SLC24A3: variants seen among roughly 807,000 people sequenced by gnomAD.
SLC24A3 encodes sodium/potassium/calcium exchanger 3.
SLC24A3 carries 28 observed loss-of-function variants against 75.8 expected under a neutral mutation model. The ratio of observed to expected loss-of-function variants is 0.37; its 90% CI spans 0.27 to 0.51. The LOEUF (loss-of-function observed/expected upper bound fraction) is 0.51. Ranked by LOEUF, SLC24A3 falls within the 20% of genes least tolerant of loss-of-function variation. The pLI, the probability that SLC24A3 is intolerant of heterozygous loss-of-function variation, is 0.94. For missense variants in SLC24A3, 663 were observed against 847.8 expected, an observed-to-expected ratio of 0.78 and a Z score of 2.71; for synonymous variants, 372 against 334.1, an observed-to-expected ratio of 1.11 and a Z score of -1.24.
At chr20:19,508,605 A>G (rs1285022452) in intron 2 of SLC24A3, among the ~76,000 whole-genome samples, 2 of 152,210 alleles carry the variant, frequency 1.3e-5, no homozygotes, top group Non-Finnish European at 2.9e-5. Context: ...GAAGCAAGGA[A>G]GCTGATTGCT....
At chr20:19,678,156 C>A (rs1354828096) in intron 9 of SLC24A3, among the ~76,000 whole-genome samples, 3 of 151,020 alleles carry the variant, frequency 2.0e-5, no homozygotes, top group Non-Finnish European at 4.4e-5. Flanking sequence ...TTTTCCCCAC[C>A]TTTCCCCCCT....
At chr20:19,593,627 G>C (rs1488461104) in intron 6 of SLC24A3, among the ~76,000 whole-genome samples, 2 of 152,226 alleles carry the variant, frequency 1.3e-5, no homozygotes, top group African/African-American at 4.8e-5. Context: ...TGAGTTGGGA[G>C]ACGTTGAGGG....
chr20:19,547,256 TC>T (rs1568652097), intron 3 of SLC24A3, among the ~76,000 whole-genome samples: 1 of 152,202 alleles, frequency 6.6e-6, no homozygotes, highest in Non-Finnish European at 1.5e-5. Context: ...CTATAAGCAT[TC>T]AGCTAAGTGA....
chr20:19,337,683 T>G (rs571210762), intron 2 of SLC24A3, among the ~76,000 whole-genome samples: 57 of 152,316 alleles, frequency 3.7e-4, no homozygotes, highest in African/African-American at 1.1e-3. Flanking sequence ...CATGGTCGTT[T>G]CTAACGCTAA....
chr20:19,227,167 G>A (rs1421369834), intron 1 of SLC24A3, among the ~76,000 whole-genome samples: 2 of 152,192 alleles, frequency 1.3e-5, no homozygotes, highest in Admixed American at 6.5e-5. Context: ...CAATTTGATT[G>A]TAGAAAGATG....
Position 19,223,071 on chromosome 20 carries a change from T to C in SLC24A3, c.142+10087T>C, listed in dbSNP as rs1981774190. 2.0e-5 allele frequency among the ~76,000 whole-genome samples: 3 copies of C among 152,158 alleles called. No individual in the cohort carries two copies. The South Asian group carries it at 6.2e-4, about 32-fold the overall frequency. On this transcript the variant is annotated intron_variant, in intron 1 of 16. Transcript: ENST00000328041. ...ACTTTGGGAGGCCGAGGTGGGCGGA[T>C]CATCTGAGGTCAGGAGTTCGAGATC... is the stretch of plus-strand genomic sequence containing the variant.
chr20:19,616,040 C>T (rs1021937723), intron 6 of SLC24A3, among the ~76,000 whole-genome samples: 4 of 152,194 alleles, frequency 2.6e-5, no homozygotes, highest in African/African-American at 9.7e-5. Context: ...GGTGCTGTCC[C>T]TCTGAGACCC....
intron 8 of SLC24A3, among the ~76,000 whole-genome samples, chr20:19,670,181 A>G (rs1325306209): frequency 6.6e-6 from 1 of 150,978 alleles, no homozygotes; most frequent in Non-Finnish European, 1.5e-5. Context: ...GACCACATGG[A>G]GAGGCTCACC....
intron 2 of SLC24A3, among the ~76,000 whole-genome samples, chr20:19,404,765 C>T (rs1168097146): frequency 1.3e-5 from 2 of 152,224 alleles, no homozygotes; most frequent in Non-Finnish European, 2.9e-5. Context: ...CAGCTCCTCA[C>T]AAGAGCTTGG....
At chr20:19,460,145 T>C (rs2328427) in intron 2 of SLC24A3, among the ~76,000 whole-genome samples, 82,644 of 151,822 alleles carry the variant, frequency 0.54, 22,769 homozygotes, top group Non-Finnish European at 0.58. Context: ...TAGGGAGGTT[T>C]GCCCTCTTGG....
intron 12 of SLC24A3, among the ~76,000 whole-genome samples, chr20:19,692,502 A>G (rs1318956400): frequency 2.0e-5 from 3 of 152,218 alleles, no homozygotes; most frequent in Admixed American, 2.0e-4. Context: ...GTTGAAAAGA[A>G]GAAGGAAGGC....
At chr20:19,653,866 G>T (rs2032235029) in intron 6 of SLC24A3, among the ~76,000 whole-genome samples, 196 bp from the exon 7 acceptor site, 1 of 152,202 alleles carries the variant, frequency 6.6e-6, no homozygotes. Flanking sequence ...ATTGTTGCAG[G>T]TTTAATTGTA....
At chr20:19,400,149 T>C (rs117970883) in intron 2 of SLC24A3, among the ~76,000 whole-genome samples, 1,748 of 152,342 alleles carry the variant, frequency 0.011, 19 homozygotes, top group Non-Finnish European at 0.014. Flanking sequence ...CTCCTCATTA[T>C]GGGTCCTGTT....
At chr20:19,652,804 G>A (rs1280804336) in intron 6 of SLC24A3, among the ~76,000 whole-genome samples, 3 of 152,200 alleles carry the variant, frequency 2.0e-5, no homozygotes, top group African/African-American at 7.2e-5. Flanking sequence ...AGAGGCTCAG[G>A]GATTGCATGT....
chr20:19,265,201 G>T (rs1362974896), intron 1 of SLC24A3, among the ~76,000 whole-genome samples: 1 of 152,302 alleles, frequency 6.6e-6, no homozygotes, highest in Middle Eastern at 3.4e-3. Context: ...AGGTATTTTG[G>T]GGGGCTAGGT....
chr20:19,579,967 T>C, intron 3 of SLC24A3, 33 bp from the exon 4 acceptor site: 1 of 1,560,024 alleles, frequency 6.4e-7, no homozygotes, highest in South Asian at 1.1e-5. Flanking sequence ...TGCCTCACTC[T>C]AACTTTAACC....
At position 19,721,106 on chromosome 20, in the gene SLC24A3, C is replaced by G. The variant is rs1177902232; in HGVS notation, c.1901C>G (p.Thr634Ser). The G allele has an allele frequency of 5.0e-6, 8 of 1,614,168 alleles. No homozygotes were observed. In the East Asian group the frequency reaches 1.8e-4, roughly 36 times the overall value. Residue 634 changes from threonine (T) to serine (S), a missense_variant, in exon 17 of 17, where the codon ACC becomes AGC. By Grantham distance (58) the Thr-to-Ser change is moderately conservative. Around this residue, in one of 2 missense-constraint regions of SLC24A3, gnomAD observed 510 missense variants for 703.6 expected, o/e 0.72. Coordinates refer to ENST00000328041, the MANE Select transcript of SLC24A3 (RefSeq NM_020689.4). ...FSIMTEFNVF[T>S]FVNLPMCGDH The stretch of plus-strand genomic sequence containing the variant: ...ATCATGACTGAGTTCAACGTGTTCA[C>G]CTTTGTGAACCTGCCCATGTGCGGG...
intron 2 of SLC24A3, among the ~76,000 whole-genome samples, chr20:19,388,176 ATAG>A (rs1442497041): frequency 6.6e-6 from 1 of 152,194 alleles, no homozygotes; most frequent in Non-Finnish European, 1.5e-5. Flanking sequence ...GTACTATAAA[ATAG>A]TAGGTCTTCT....
intron 2 of SLC24A3, among the ~76,000 whole-genome samples, chr20:19,346,151 ATATATGGTG>A (rs1398366262): frequency 2.4e-5 from 2 of 82,922 alleles, no homozygotes; most frequent in African/African-American, 5.1e-5. Flanking sequence ...GTGTGTATAT[ATATATGGTG>A]TATATATATG....
Sources: allele counts gnomAD v4.1 joint callset (sites outside exome capture counted in the v4.1 genomes callset), GRCh38; gene constraint gnomAD v4.1.1; regional missense constraint gnomAD v4.1.1; transcripts MANE v1.5; gene names NCBI Gene and HGNC (gene_info 2026-07-23, HGNC 2026-07-21).